Variants in CIMIP4 observed in about 807,000 individuals in gnomAD.
CIMIP4 encodes the protein protein EAN57.
chr22:36,993,802 C>T, the CIMIP4 span, among the ~76,000 whole-genome samples: 1 of 151,898 alleles, frequency 6.6e-6, no homozygotes, highest in Non-Finnish European at 1.5e-5. Flanking sequence ...GGAAATAAAC[C>T]CAAATAGTCT....
At chr22:36,991,431 G>A in the CIMIP4 span, 1 of 1,589,000 alleles carries the variant, frequency 6.3e-7, no homozygotes, top group Non-Finnish European at 8.6e-7. Flanking sequence ...AACACACCCT[G>A]CTGGTGGAGG....
chr22:37,000,525 T>C, the CIMIP4 span, among the ~76,000 whole-genome samples: 1 of 152,168 alleles, frequency 6.6e-6, no homozygotes, highest in Admixed American at 6.5e-5. Context: ...AGGTTTGAGT[T>C]CCAGTTCTGC....
chr22:37,000,269 G>T, the CIMIP4 span, among the ~76,000 whole-genome samples: 2 of 152,110 alleles, frequency 1.3e-5, no homozygotes, highest in African/African-American at 4.8e-5. Context: ...GGGACGGGGG[G>T]TCTCTATAGG....
chr22:36,991,755 C>T, the CIMIP4 span, among the ~76,000 whole-genome samples: 7 of 152,108 alleles, frequency 4.6e-5, no homozygotes, highest in African/African-American at 1.7e-4. Flanking sequence ...ACCCAGACTC[C>T]ATTATTTATG....
At chr22:36,992,646 CTATT>C in the CIMIP4 span, among the ~76,000 whole-genome samples, 3 of 152,118 alleles carry the variant, frequency 2.0e-5, no homozygotes, top group African/African-American at 4.8e-5. Flanking sequence ...TATGCAACAT[CTATT>C]TATAAACTAA....
At chr22:37,002,173 G>T in the CIMIP4 span, 20 of 1,500,114 alleles carry the variant, frequency 1.3e-5, no homozygotes, top group Non-Finnish European at 1.6e-5. Flanking sequence ...CCAGGGGCAG[G>T]GGCTGTGGGG....
At chr22:37,002,099 G>A in the CIMIP4 span, 215 of 1,573,166 alleles carry the variant, frequency 1.4e-4, no homozygotes, top group African/African-American at 2.1e-3. Flanking sequence ...GGCAGCAGTC[G>A]GGGGTGGAGG....
At chr22:37,002,856 C>A in the CIMIP4 span, among the ~76,000 whole-genome samples, 1 of 152,160 alleles carries the variant, frequency 6.6e-6, no homozygotes, top group South Asian at 2.1e-4. Context: ...CCAATACCTA[C>A]CTCCTCCCTT....
chr22:36,997,947 T>C, the CIMIP4 span, among the ~76,000 whole-genome samples: 1 of 152,198 alleles, frequency 6.6e-6, no homozygotes, highest in African/African-American at 2.4e-5. Flanking sequence ...GGTGAAGCCC[T>C]GATTCATAGT....
chr22:36,996,494 G>GA, the CIMIP4 span, among the ~76,000 whole-genome samples: 52 of 148,162 alleles, frequency 3.5e-4, no homozygotes, highest in East Asian at 9.9e-4. Flanking sequence ...GATGTTTATA[G>GA]AAAAAAAAAA....
chr22:36,999,760 G>A, the CIMIP4 span: 2 of 1,531,130 alleles, frequency 1.3e-6, no homozygotes, highest in East Asian at 4.5e-5. Flanking sequence ...CATATGGAGT[G>A]GAAACCCCAA....
the CIMIP4 span, among the ~76,000 whole-genome samples, chr22:37,003,416 C>G: frequency 6.6e-6 from 1 of 152,224 alleles, no homozygotes; most frequent in Non-Finnish European, 1.5e-5. Context: ...GGACCATTCT[C>G]AGAGCGGGCC....
the CIMIP4 span, among the ~76,000 whole-genome samples, chr22:36,996,339 C>T: frequency 4.6e-5 from 7 of 151,632 alleles, no homozygotes; most frequent in Admixed American, 1.3e-4. Flanking sequence ...CTTCTGGATA[C>T]GAGATTAATA....
At chr22:37,005,569 A>G in the CIMIP4 span, among the ~76,000 whole-genome samples, 8 of 140,888 alleles carry the variant, frequency 5.7e-5, no homozygotes, top group Non-Finnish European at 1.1e-4. Context: ...TTTTTTTTTT[A>G]AGCAGAAATC....
chr22:36,997,309 G>A, the CIMIP4 span, among the ~76,000 whole-genome samples: 1 of 152,180 alleles, frequency 6.6e-6, no homozygotes, highest in South Asian at 2.1e-4. Context: ...CATAGGATAG[G>A]AGTCCCTCAA....
the CIMIP4 span, among the ~76,000 whole-genome samples, chr22:37,006,279 T>G: frequency 6.6e-6 from 1 of 151,588 alleles, no homozygotes; most frequent in East Asian, 1.9e-4. Context: ...AGTCAGAGAG[T>G]GGATGCAAGA....
the CIMIP4 span, among the ~76,000 whole-genome samples, chr22:37,006,846 A>T: frequency 6.6e-6 from 1 of 152,338 alleles, no homozygotes. Context: ...TGTTGCATCC[A>T]TGATGAACTT....
chr22:37,004,984 G>T, the CIMIP4 span, among the ~76,000 whole-genome samples: 21 of 152,082 alleles, frequency 1.4e-4, no homozygotes, highest in Non-Finnish European at 3.1e-4. Context: ...CACCGTGCCC[G>T]GCCTGTGACT....
the CIMIP4 span, among the ~76,000 whole-genome samples, chr22:36,998,075 G>A: frequency 6.6e-6 from 1 of 152,164 alleles, no homozygotes; most frequent in Non-Finnish European, 1.5e-5. Context: ...TTTGCTATGA[G>A]CTCCAGCACA....
Sources: gnomAD v4.1 joint callset for allele counts (sites outside exome capture counted in the v4.1 genomes callset) on GRCh38, gnomAD v4.1.1 for gene constraint, MANE v1.5 for transcripts, NCBI Gene and HGNC (gene_info 2026-07-23, HGNC 2026-07-21) for gene names.